Variants in SYTL2 observed in about 807,000 individuals in gnomAD.
SYTL2 encodes synaptotagmin-like protein 2.
In SYTL2, 165 loss-of-function variants were observed where a neutral mutation model predicts 198.7. That is an observed-to-expected ratio of 0.83 (90% CI 0.73 to 0.94). SYTL2 has a LOEUF of 0.94. SYTL2 is among the 40% of genes least tolerant of loss of function. The pLI is 0.00. For missense variants in SYTL2, 2,835 were observed against 2,582.8 expected (o/e 1.10, Z -2.12); for synonymous variants, 966 against 917.7 (o/e 1.05, Z -0.95).
chr11:85,852,842 G>A, the SYTL2 span: 11 of 228,114 alleles, frequency 4.8e-5, no homozygotes, highest in African/African-American at 2.4e-4. Flanking sequence ...CCCATCGTCT[G>A]GGATGTGAGG....
chr11:85,704,836 A>T (rs756834747), intron 16 of SYTL2, 22 bp downstream of exon 16: 1 of 1,607,730 alleles, frequency 6.2e-7, no homozygotes, highest in African/African-American at 1.3e-5. Flanking sequence ...CCAAATAAAC[A>T]AACAAAAAAT....
intron 1 of SYTL2, among the ~76,000 whole-genome samples, chr11:85,797,621 C>T (rs1411998459): frequency 6.8e-6 from 1 of 147,542 alleles, no homozygotes; most frequent in Non-Finnish European, 1.5e-5. Context: ...AGCGAGACTC[C>T]TTCTCAAAAA....
At chr11:85,753,051 T>C (rs2091641067) in intron 2 of SYTL2, among the ~76,000 whole-genome samples, 1 of 147,374 alleles carries the variant, frequency 6.8e-6, no homozygotes, top group African/African-American at 2.5e-5. Flanking sequence ...TGTGGTTGTG[T>C]GTATATGGGG....
At position 85,745,767 on chromosome 11, in the gene SYTL2, G is replaced by T; in HGVS notation, c.259C>A (p.Gln87Lys). The stretch of plus-strand genomic sequence containing the variant: ...GCCCCATTTTCTCTGTCTTTACTCT[G>T]CTCAGCTGAAACAGGAAACAGTAAA... ...RKKRPQIAAE[Q>K]SKDRENGAKE... is the part of the protein sequence containing the mutation. Residue 87 changes from glutamine to lysine, a missense_variant, in exon 4 of 20, where the codon CAG becomes AAG. Gln to Lys is a moderately conservative substitution (Grantham distance 53). Around this residue, in one of 3 missense-constraint regions of SYTL2, gnomAD observed 2,645 missense variants for 2,381.7 expected, o/e 1.11. Transcript: ENST00000359152. 2 of 1,609,546 alleles carry T rather than the reference G, an allele frequency of 1.2e-6. No homozygotes were observed. The highest frequency in any genetic ancestry group is 1.7e-6 in the Non-Finnish European group (2 of 1,176,902).
the SYTL2 span, among the ~76,000 whole-genome samples, chr11:85,848,696 G>C: frequency 6.6e-6 from 1 of 152,170 alleles, no homozygotes; most frequent in Admixed American, 6.6e-5. Flanking sequence ...ATAGCAAGCA[G>C]GCAGCAATTC....
intron 4 of SYTL2, among the ~76,000 whole-genome samples, chr11:85,738,584 G>C (rs1008629718): frequency 6.6e-6 from 1 of 152,084 alleles, no homozygotes; most frequent in Non-Finnish European, 1.5e-5. Flanking sequence ...AGTGAAAAAA[G>C]AAACCTAGTC....
rs528155557 is a variant in SYTL2, at chr11:85,765,882, G to A, written c.-389-7768C>T. 2.8e-4 allele frequency among the ~76,000 whole-genome samples: 43 copies of A among 152,164 alleles called. No individual in the cohort carries two copies. The South Asian group carries it at 8.5e-3, about 30-fold the overall frequency. ...AGGTTTAAACTTACAATACCCCTAG[G>A]AATAAAATATGTTAACCAAGCCCCA... On this transcript the variant is annotated intron_variant, in intron 1 of 19. Transcript: ENST00000359152.
the SYTL2 span, among the ~76,000 whole-genome samples, chr11:85,832,530 T>A: frequency 6.6e-6 from 1 of 152,118 alleles, no homozygotes; most frequent in East Asian, 1.9e-4. Context: ...CACTGAAATA[T>A]AACTACACAA....
At chr11:85,811,299 GC>G (rs1700478909), upstream of SYTL2, 1 of 146,566 alleles carries the variant, frequency 6.8e-6, no homozygotes, top group East Asian at 2.1e-4. Flanking sequence ...GCGCCTGCCA[GC>G]CCCTGCCCTC....
rs1240521316 is a variant in SYTL2, at chr11:85,696,312, T to A, written c.6445A>T (p.Asn2149Tyr). The change falls in exon 19 of 20, where the codon AAC (asparagine) becomes TAC (tyrosine). Residue 2149 changes from asparagine (N) to tyrosine (Y), a missense_variant. By Grantham distance (143) the Asn-to-Tyr change is moderately radical (BLOSUM62 -2). This residue lies in a region of SYTL2 where 185 missense variants were observed against 182.1 expected (regional missense o/e 1.02). Coordinates refer to ENST00000359152, the MANE Select transcript of SYTL2 (RefSeq NM_206927.4). ...AVGKTTNPIF[N>Y]HTMVYDGFRP... ...AACCCATCATACACCATAGTGTGGT[T>A]GAAGATAGGGTTGGTGGTTTTCCCT... is the stretch of plus-strand genomic sequence containing the variant. 6 of 1,614,074 alleles carry A rather than the reference T, an allele frequency of 3.7e-6. No homozygotes were observed. The East Asian group carries it at 1.1e-4, about 30-fold the overall frequency.
At chr11:85,851,352 G>C in the SYTL2 span, among the ~76,000 whole-genome samples, 1 of 152,200 alleles carries the variant, frequency 6.6e-6, no homozygotes, top group Non-Finnish European at 1.5e-5. Flanking sequence ...GTTTGAACTG[G>C]TTCGCAAAGG....
the SYTL2 span, among the ~76,000 whole-genome samples, chr11:85,839,612 A>C: frequency 6.6e-6 from 1 of 152,210 alleles, no homozygotes; most frequent in Non-Finnish European, 1.5e-5. Context: ...GCTGCAAATG[A>C]CTGAATCTCA....
intron 1 of SYTL2, among the ~76,000 whole-genome samples, chr11:85,763,743 A>G (rs1301427253): frequency 1.3e-5 from 2 of 152,270 alleles, no homozygotes; most frequent in East Asian, 3.9e-4. Context: ...GAGCAGTAAT[A>G]TGCCTGAGTT....
intron 8 of SYTL2, among the ~76,000 whole-genome samples, chr11:85,723,085 T>C (rs2088597844): frequency 6.6e-6 from 1 of 152,238 alleles, no homozygotes. Flanking sequence ...TATCATTTCA[T>C]CATTTTAATC....
intron 4 of SYTL2, 95 bp downstream of exon 4, chr11:85,745,542 C>T: frequency 3.6e-6 from 5 of 1,391,006 alleles, no homozygotes; most frequent in Non-Finnish European, 4.9e-6. Context: ...TGACCCCAGT[C>T]TGGCATCTGT....
chr11:85,713,300 G>A (rs1016261880), intron 12 of SYTL2, among the ~76,000 whole-genome samples: 5 of 152,066 alleles, frequency 3.3e-5, no homozygotes, highest in African/African-American at 7.2e-5. Context: ...TTATTTCACC[G>A]TTAGAAATCA....
At chr11:85,815,649 G>T (rs2093060448), upstream of SYTL2, among the ~76,000 whole-genome samples, 1 of 152,206 alleles carries the variant, frequency 6.6e-6, no homozygotes, top group Admixed American at 6.5e-5. Flanking sequence ...GCATTTTACA[G>T]ATGAAGATAG....
intron 1 of SYTL2, among the ~76,000 whole-genome samples, chr11:85,767,350 T>C (rs2092263259): frequency 1.3e-5 from 2 of 152,156 alleles, no homozygotes; most frequent in South Asian, 4.1e-4. Context: ...TAATAAATGG[T>C]TTGGGCTGCA....
At position 85,789,370 on chromosome 11, in the gene SYTL2, ATATATATGTATATATATATATATATATAT is replaced by A. The variant is rs1189301424; in HGVS notation, c.-390+21555_-390+21583del. On this transcript the variant is annotated intron_variant, in intron 1 of 19. Transcript: ENST00000359152. ...TATATATATATATATATATATATAT[ATATATATGTATATATATATATATATATAT>A]AATTTTTTTTTTTTTTGTAGAGACA... Among the ~76,000 whole-genome samples, 6 of 48,994 alleles carry A rather than the reference ATATATATGTATATATATATATATATATAT, an allele frequency of 1.2e-4. No homozygotes were observed. The South Asian group carries it at 2.8e-3, about 23-fold the overall frequency. The allele number at this position is 48,994 out of a possible 152,430, so 32.1% of individuals were successfully genotyped here. A position where few individuals can be genotyped will look rare whatever the true frequency, so the allele number is the denominator to read the frequency against.
Sources: gnomAD v4.1 joint callset for allele counts (sites outside exome capture counted in the v4.1 genomes callset) on GRCh38, gnomAD v4.1.1 for gene constraint, gnomAD v4.1.1 regional missense constraint, MANE v1.5 for transcripts, NCBI Gene and HGNC (gene_info 2026-07-23, HGNC 2026-07-21) for gene names.